Variants in WWOX observed in about 807,000 individuals in gnomAD.
WWOX encodes WW domain containing oxidoreductase, also known as WW domain-containing oxidoreductase.
A neutral mutation model predicts 46.2 loss-of-function variants in WWOX; 69 were observed. The ratio of observed to expected loss-of-function variants is 1.49; its 90% CI spans 1.23 to 1.82. The LOEUF is 1.82. Ranked by LOEUF, WWOX falls within the 40% of genes most tolerant of loss-of-function variation. The pLI is 0.00. For missense variants in WWOX, 919 were observed against 542.6 expected, an observed-to-expected ratio of 1.69 and a Z score of -6.89; for synonymous variants, 359 against 202.6, an observed-to-expected ratio of 1.77 and a Z score of -6.56.
chr16:78,576,147 T>C (rs1167043712), intron 8 of WWOX, among the ~76,000 whole-genome samples: 2 of 152,218 alleles, frequency 1.3e-5, no homozygotes, highest in African/African-American at 4.8e-5. Context: ...TGTATGAATT[T>C]TTAAAAGAAA....
At chr16:78,684,149 G>A (rs1256568585) in intron 8 of WWOX, among the ~76,000 whole-genome samples, 3 of 152,126 alleles carry the variant, frequency 2.0e-5, no homozygotes, top group Admixed American at 6.5e-5. Flanking sequence ...GCTGCAACAG[G>A]CTTAGAGTTG....
intron 8 of WWOX, among the ~76,000 whole-genome samples, chr16:78,921,082 C>T (rs546101052): frequency 1.7e-4 from 26 of 152,194 alleles, no homozygotes; most frequent in African/African-American, 6.0e-4. Flanking sequence ...CTCTACATTA[C>T]ACCTTGTAGC....
At chr16:78,295,907 C>G (rs926687135) in intron 5 of WWOX, among the ~76,000 whole-genome samples, 5 of 152,172 alleles carry the variant, frequency 3.3e-5, no homozygotes, top group African/African-American at 1.2e-4. Context: ...GATGATGATG[C>G]CTGTTTGGGT....
At chr16:78,388,943 C>T (rs554333787) in intron 6 of WWOX, among the ~76,000 whole-genome samples, 121 of 146,726 alleles carry the variant, frequency 8.2e-4, no homozygotes, top group Non-Finnish European at 1.5e-3. Flanking sequence ...CACTCCAGCC[C>T]GGGTGACAAG....
At chr16:78,684,576 C>T (rs2047811844) in intron 8 of WWOX, among the ~76,000 whole-genome samples, 1 of 152,204 alleles carries the variant, frequency 6.6e-6, no homozygotes, top group Non-Finnish European at 1.5e-5. Flanking sequence ...ACAGCTGCAA[C>T]ATCCCTGGGG....
chr16:78,814,923 G>A (rs1012023117), intron 8 of WWOX, among the ~76,000 whole-genome samples: 2 of 152,190 alleles, frequency 1.3e-5, no homozygotes, highest in Non-Finnish European at 2.9e-5. Context: ...TGGCCTGGAA[G>A]CTGACCATAG....
chr16:78,755,692 T>C (rs1218604251), intron 8 of WWOX, among the ~76,000 whole-genome samples: 8 of 152,202 alleles, frequency 5.3e-5, no homozygotes. Context: ...ACCAGGGCCA[T>C]GTGACAAATA....
At chr16:78,284,165 A>C (rs2079730570) in intron 5 of WWOX, among the ~76,000 whole-genome samples, 1 of 152,118 alleles carries the variant, frequency 6.6e-6, no homozygotes, top group African/African-American at 2.4e-5. Context: ...TCACTGGTTT[A>C]AGGGGTTGGA....
intron 8 of WWOX, among the ~76,000 whole-genome samples, chr16:79,010,532 C>T (rs564929811): frequency 1.0e-3 from 154 of 152,302 alleles, no homozygotes; most frequent in Non-Finnish European, 4.6e-4. Flanking sequence ...ATTAAAGCCC[C>T]TGCCCTGTGA....
At chr16:78,470,855 T>C (rs1163365395) in intron 8 of WWOX, among the ~76,000 whole-genome samples, 1 of 152,166 alleles carries the variant, frequency 6.6e-6, no homozygotes, top group Non-Finnish European at 1.5e-5. Flanking sequence ...TATTGTCCAG[T>C]GTGGTAGGTA....
intron 5 of WWOX, among the ~76,000 whole-genome samples, chr16:78,327,268 A>G (rs1293140722): frequency 1.3e-5 from 2 of 152,206 alleles, no homozygotes; most frequent in Admixed American, 1.3e-4. Flanking sequence ...CTGTCATCAT[A>G]TGACAGGCTG....
chr16:78,415,815 C>G (rs13333868), intron 6 of WWOX, among the ~76,000 whole-genome samples: 13,857 of 152,086 alleles, frequency 0.091, 1,643 homozygotes, highest in African/African-American at 0.27. Context: ...TGATGACAAC[C>G]CCCGCCCCCA....
At chr16:78,992,875 A>C (rs1216789994) in intron 8 of WWOX, among the ~76,000 whole-genome samples, 1 of 151,880 alleles carries the variant, frequency 6.6e-6, no homozygotes, top group Non-Finnish European at 1.5e-5. Flanking sequence ...GGATTTAACG[A>C]CCCGCAAATT....
At chr16:78,175,033 A>AATAATC (rs1251581273) in intron 5 of WWOX, among the ~76,000 whole-genome samples, 1 of 126,844 alleles carries the variant, frequency 7.9e-6, no homozygotes, top group African/African-American at 3.2e-5. Flanking sequence ...TAATAATAAG[A>AATAATC]ATCTGACTAA....
intron 8 of WWOX, among the ~76,000 whole-genome samples, chr16:78,938,146 G>A (rs1430989515): frequency 6.6e-6 from 1 of 152,178 alleles, no homozygotes; most frequent in Non-Finnish European, 1.5e-5. Flanking sequence ...TGAATGTCAG[G>A]ACCTTCCTGG....
intron 8 of WWOX, among the ~76,000 whole-genome samples, chr16:78,650,115 G>C (rs1167900375): frequency 6.6e-6 from 1 of 152,190 alleles, no homozygotes; most frequent in African/African-American, 2.4e-5. Flanking sequence ...AAGGAGGGAA[G>C]AAAAGGGAGA....
intron 8 of WWOX, among the ~76,000 whole-genome samples, chr16:78,685,217 G>A (rs535583091): frequency 9.9e-5 from 15 of 152,160 alleles, no homozygotes; most frequent in South Asian, 2.1e-4. Context: ...CTCAGCCAGG[G>A]CAGGAGTATT....
rs974439967 is a variant in WWOX at position 79,212,606 on chromosome 16, T to C, written c.*810T>C. On this transcript the variant is annotated 3_prime_UTR_variant, in exon 9 of 9. Coordinates refer to ENST00000566780, the MANE Select transcript of WWOX (RefSeq NM_016373.4). ...TCTCAGTTCTCTTGCTTTCACATTG[T>C]ACTTAAACCTCCTGCTGTGCCTCGC... 1 of 158,420 alleles carries C rather than the reference T, an allele frequency of 6.3e-6. No homozygotes were observed. Among genetic ancestry groups the C allele is most frequent in the East Asian group, 1.8e-4 (1 of 5,508 alleles). The allele number at this position is 158,420 out of a possible 1,614,324, so 9.8% of individuals were successfully genotyped here.
Position 79,182,806 on chromosome 16 carries a change from G to A in WWOX, c.1057-28802G>A, listed in dbSNP as rs185937359. ...AGACACTTCGTGCCTGGCACAGAAC[G>A]AGCACTGTGTGTGTGTTACAGAAAT... On this transcript the variant is annotated intron_variant, in intron 8 of 8. Transcript: ENST00000566780. Among the ~76,000 whole-genome samples, 1,089 of 152,284 alleles carry A rather than the reference G, an allele frequency of 7.2e-3. 8 individuals carry two copies. The highest frequency in any genetic ancestry group is 0.012 in the Non-Finnish European group (825 of 68,016).
Sources: gnomAD v4.1 joint callset for allele counts (sites outside exome capture counted in the v4.1 genomes callset) on GRCh38, gnomAD v4.1.1 for gene constraint, MANE v1.5 for transcripts, NCBI Gene and HGNC (gene_info 2026-07-23, HGNC 2026-07-21) for gene names.